Variants in SORCS3 observed in about 807,000 individuals in gnomAD.
The protein encoded by SORCS3 is VPS10 domain-containing receptor SorCS3.
SORCS3 carries 57 observed loss-of-function variants against 146.3 expected under a neutral mutation model. That is an observed-to-expected ratio of 0.39 (90% CI 0.31 to 0.49). SORCS3 has a LOEUF of 0.49. Ranked by LOEUF, SORCS3 falls within the 20% of genes least tolerant of loss-of-function variation. The pLI, the probability that SORCS3 is intolerant of heterozygous loss-of-function variation, is 0.92. For missense variants in SORCS3, 1,341 were observed against 1,575.5 expected (o/e 0.85, Z 2.52); for synonymous variants, 653 against 618.5 (o/e 1.06, Z -0.83).
chr10:105,026,635 A>G (rs989324050), intron 4 of SORCS3, among the ~76,000 whole-genome samples: 2 of 152,250 alleles, frequency 1.3e-5, no homozygotes, highest in Non-Finnish European at 2.9e-5. Context: ...ACCATGGAAT[A>G]CGACACAGCT....
intron 1 of SORCS3, among the ~76,000 whole-genome samples, chr10:104,728,857 G>C (rs2016673090): frequency 6.6e-6 from 1 of 152,138 alleles, no homozygotes; most frequent in African/African-American, 2.4e-5. Flanking sequence ...GGTAGATTAG[G>C]AATAATGAAT....
intron 7 of SORCS3, among the ~76,000 whole-genome samples, chr10:105,135,624 C>T (rs1404599011): frequency 2.0e-5 from 3 of 152,128 alleles, no homozygotes; most frequent in Admixed American, 6.6e-5. Context: ...TCTCTTCTTG[C>T]GTTTTACTAT....
At chr10:104,962,114 C>A (rs184302194) in intron 3 of SORCS3, among the ~76,000 whole-genome samples, 35 of 151,926 alleles carry the variant, frequency 2.3e-4, no homozygotes, top group African/African-American at 8.4e-4. Context: ...CTTGGAAGAC[C>A]GAGATCATTC....
At chr10:105,050,174 TC>T (rs1203408033) in intron 5 of SORCS3, among the ~76,000 whole-genome samples, 3 of 152,124 alleles carry the variant, frequency 2.0e-5, no homozygotes, top group Non-Finnish European at 4.4e-5. Flanking sequence ...ATTTACTTCT[TC>T]CTTTTGGGAG....
chr10:105,002,649 G>T (rs573269803), intron 4 of SORCS3, among the ~76,000 whole-genome samples: 32 of 152,340 alleles, frequency 2.1e-4, no homozygotes, highest in African/African-American at 7.2e-4. Context: ...CCATGTGACT[G>T]GTTACCTACC....
chr10:104,778,373 T>G (rs1013898117), intron 1 of SORCS3, among the ~76,000 whole-genome samples: 1 of 152,230 alleles, frequency 6.6e-6, no homozygotes, highest in African/African-American at 2.4e-5. Context: ...TGGATTCAGG[T>G]GCAGTGTTGG....
chr10:104,705,520 A>G (rs1008377669), intron 1 of SORCS3, among the ~76,000 whole-genome samples: 1 of 152,312 alleles, frequency 6.6e-6, no homozygotes, highest in Middle Eastern at 3.4e-3. Flanking sequence ...ATTGGTACTC[A>G]TCTTCTGTTG....
chr10:104,884,801 T>G (rs1175398708), intron 2 of SORCS3, among the ~76,000 whole-genome samples: 1 of 151,854 alleles, frequency 6.6e-6, no homozygotes, highest in Non-Finnish European at 1.5e-5. Context: ...CAGGTACCCA[T>G]CAGCAAAGCT....
intron 20 of SORCS3, among the ~76,000 whole-genome samples, chr10:105,242,279 CAT>C (rs1416825611): frequency 6.9e-5 from 9 of 131,310 alleles, no homozygotes; most frequent in Non-Finnish European, 1.4e-4. Context: ...TATATTTATA[CAT>C]ATGTTTATAT....
chr10:104,903,605 C>T (rs1340931473), intron 2 of SORCS3, among the ~76,000 whole-genome samples: 3 of 152,128 alleles, frequency 2.0e-5, no homozygotes, highest in African/African-American at 7.2e-5. Flanking sequence ...CCTCTTGGGA[C>T]CCAGGAGTTG....
chr10:104,918,001 G>A (rs1403855976), intron 3 of SORCS3, among the ~76,000 whole-genome samples: 1 of 152,170 alleles, frequency 6.6e-6, no homozygotes. Flanking sequence ...ATACCCAGTA[G>A]TCGAATTGCT....
chr10:104,834,621 A>G (rs1327325829), intron 1 of SORCS3, among the ~76,000 whole-genome samples: 2 of 106,948 alleles, frequency 1.9e-5, no homozygotes, highest in South Asian at 3.2e-4. Context: ...TTTTTAATGT[A>G]TTTCTCTTAT....
At position 104,750,338 on chromosome 10, in the gene SORCS3, A is replaced by T. The variant is rs995940146; in HGVS notation, c.628-92454A>T. Among the ~76,000 whole-genome samples, 4 of 152,230 alleles carry T rather than the reference A, an allele frequency of 2.6e-5. No individual in the cohort carries two copies. In the East Asian group the frequency reaches 7.7e-4, roughly 29 times the overall value. On this transcript the variant is annotated intron_variant, in intron 1 of 26. Transcript: ENST00000369701. Reference sequence around the variant, plus strand: ...ATGGACCTCGGCAACATATCTGAACAACTTCCTTGTGGTATCTTTGTGGCC... The same window carrying T: ...ATGGACCTCGGCAACATATCTGAACTACTTCCTTGTGGTATCTTTGTGGCC...
intron 3 of SORCS3, among the ~76,000 whole-genome samples, chr10:104,954,527 T>C (rs1378360990): frequency 5.9e-5 from 9 of 152,168 alleles, no homozygotes. Context: ...CCTCTGCTTG[T>C]TAATTAAACT....
chr10:105,081,680 G>A (rs567035082), intron 5 of SORCS3, among the ~76,000 whole-genome samples: 2 of 152,284 alleles, frequency 1.3e-5, no homozygotes, highest in Admixed American at 6.5e-5. Context: ...GTGAGTCTGT[G>A]GTTCTAGGAG....
At chr10:104,770,791 C>T (rs2017239304) in intron 1 of SORCS3, among the ~76,000 whole-genome samples, 1 of 151,908 alleles carries the variant, frequency 6.6e-6, no homozygotes, top group Admixed American at 6.6e-5. Context: ...TGTGATCCAG[C>T]CTCTGCACTC....
rs537067723 is a variant in SORCS3 at position 104,859,502 on chromosome 10, G to C, written c.695+16643G>C. 2.9e-3 allele frequency among the ~76,000 whole-genome samples: 445 copies of C among 152,288 alleles called. 2 individuals carry two copies. The highest frequency in any genetic ancestry group is 0.018 in the South Asian group (87 of 4,824). ...CTAGGCATTACCATTCAGGACATAGGCATGGGCAAGGACTTCATGTCTAAA... is the reference window on the plus strand; with the variant it reads ...CTAGGCATTACCATTCAGGACATAGCCATGGGCAAGGACTTCATGTCTAAA... On this transcript the variant is annotated intron_variant, in intron 2 of 26. Coordinates refer to ENST00000369701, the MANE Select transcript of SORCS3 (RefSeq NM_014978.3).
chr10:105,183,033 G>C (rs2056452518), intron 14 of SORCS3, among the ~76,000 whole-genome samples: 1 of 152,172 alleles, frequency 6.6e-6, no homozygotes, highest in South Asian at 2.1e-4. Flanking sequence ...GTTGCCGTTA[G>C]ATATCAAAGA....
intron 1 of SORCS3, among the ~76,000 whole-genome samples, chr10:104,708,107 C>T (rs989585301): frequency 6.6e-6 from 1 of 152,186 alleles, no homozygotes; most frequent in Non-Finnish European, 1.5e-5. Context: ...TGTTTATCTG[C>T]ATCTGAATTT....
Sources: allele counts gnomAD v4.1 joint callset (sites outside exome capture counted in the v4.1 genomes callset), GRCh38; gene constraint gnomAD v4.1.1; transcripts MANE v1.5; gene names NCBI Gene and HGNC (gene_info 2026-07-23, HGNC 2026-07-21).